The following MYO16 variants were observed in gnomAD, a reference collection of about 807,000 sequenced individuals.
The protein encoded by MYO16 is unconventional myosin-XVI.
A neutral mutation model predicts 205.3 loss-of-function variants in MYO16; 94 were observed. That is an observed-to-expected ratio of 0.46 (90% CI 0.39 to 0.54). MYO16 has a LOEUF of 0.54. Ranked by LOEUF, MYO16 falls within the 20% of genes least tolerant of loss-of-function variation. MYO16 has a pLI of 0.00. For missense variants in MYO16, 2,315 were observed against 2,387.5 expected, an observed-to-expected ratio of 0.97 and a Z score of 0.63; for synonymous variants, 988 against 954.0, an observed-to-expected ratio of 1.04 and a Z score of -0.66.
intron 4 of MYO16, among the ~76,000 whole-genome samples, chr13:108,743,986 C>T (rs1884985492): frequency 6.6e-6 from 1 of 152,176 alleles, no homozygotes; most frequent in African/African-American, 2.4e-5. Flanking sequence ...GCTGCCCTTG[C>T]TATGTCAGGT....
intron 9 of MYO16, among the ~76,000 whole-genome samples, chr13:108,833,162 A>G (rs1876716197): frequency 6.6e-6 from 1 of 152,110 alleles, no homozygotes; most frequent in African/African-American, 2.4e-5. Flanking sequence ...TGTCTCAAAA[A>G]CAATACAAAC....
intron 6 of MYO16, among the ~76,000 whole-genome samples, chr13:108,803,162 A>G (rs549439390): frequency 7.2e-5 from 11 of 152,312 alleles, no homozygotes; most frequent in Non-Finnish European, 1.0e-4. Flanking sequence ...AAAGGGCCCA[A>G]GAGTGTTTTG....
At chr13:108,914,928 C>T (rs551368385) in intron 16 of MYO16, among the ~76,000 whole-genome samples, 120 of 152,332 alleles carry the variant, frequency 7.9e-4, no homozygotes, top group African/African-American at 2.7e-3. Flanking sequence ...CAAGCATGAA[C>T]CACTGCGCCC....
rs148286127 is a variant in MYO16, at chr13:108,818,418, AAGAG to A, written c.868-1913_868-1910del. ...ATAATAATAATAAATAAAAATAAAAAAGAGAGAGATTAATAAAACAAACACAATA... is the reference window on the plus strand; with the variant it reads ...ATAATAATAATAAATAAAAATAAAAAAGAGATTAATAAAACAAACACAATA... On this transcript the variant is annotated intron_variant, in intron 7 of 34. Coordinates refer to ENST00000457511, the MANE Select transcript of MYO16 (RefSeq NM_001198950.3). 4.6e-3 allele frequency among the ~76,000 whole-genome samples: 683 copies of A among 148,252 alleles called. 1 individual carries two copies. The highest frequency in any genetic ancestry group is 0.016 in the African/African-American group (597 of 38,156).
Position 109,141,441 on chromosome 13 carries a change from C to T in MYO16, c.5164+65C>T. On this transcript the variant is annotated intron_variant, in intron 32 of 34. Transcript: ENST00000457511. This position sits in a 1 kb window ranked among gnomAD's most constrained non-coding sequence, Gnocchi z 4.1. ...CGCTGTGCTTGCGTGCACCTGTGTA[C>T]ATCCGTGTCTGCGCAGATGTGAAAT... 9.1e-7 allele frequency: 1 copy of T among 1,095,386 alleles called. No homozygotes were observed. The allele number at this position is 1,095,386 out of a possible 1,614,324, so 67.9% of individuals were successfully genotyped here. A position where few individuals can be genotyped will look rare whatever the true frequency, so the allele number is the denominator to read the frequency against.
At chr13:108,557,511 T>A in the MYO16 span, among the ~76,000 whole-genome samples, 1 of 152,186 alleles carries the variant, frequency 6.6e-6, no homozygotes, top group Non-Finnish European at 1.5e-5. Context: ...AAAACAATAT[T>A]TGTCTTATTG....
At chr13:108,637,594 G>C (rs773423281) in intron 1 of MYO16, among the ~76,000 whole-genome samples, 2 of 152,120 alleles carry the variant, frequency 1.3e-5, no homozygotes, top group Non-Finnish European at 2.9e-5. Flanking sequence ...TATAAAGATG[G>C]CTGGGCACAG....
intron 4 of MYO16, among the ~76,000 whole-genome samples, chr13:108,734,478 C>G (rs532979734): frequency 6.6e-6 from 1 of 152,244 alleles, no homozygotes; most frequent in African/African-American, 2.4e-5. Context: ...TCTAGGAACT[C>G]TTCATGCCAT....
the MYO16 span, among the ~76,000 whole-genome samples, chr13:108,496,901 A>AC: frequency 0.32 from 48,875 of 152,046 alleles, 8,066 homozygotes; most frequent in Non-Finnish European, 0.35. Flanking sequence ...CAGAGGGCTG[A>AC]CCTGCGTCTT....
chr13:109,065,822 A>C (rs1158256031), intron 27 of MYO16, among the ~76,000 whole-genome samples: 5 of 152,210 alleles, frequency 3.3e-5, no homozygotes, highest in African/African-American at 1.2e-4. Context: ...GGTCACATCC[A>C]TCAGTCATTT....
rs139308760 is a variant in MYO16 at position 108,936,381 on chromosome 13, A to G, written c.1926-21307A>G. ...GCTTTTTTTGGTTGGTAGGTTTTTT[A>G]TTATAGATTTAATTTCAGAAGTTGG... On this transcript the variant is annotated intron_variant, in intron 16 of 34. Transcript: ENST00000457511. Among the ~76,000 whole-genome samples, 77 of 152,032 alleles carry G rather than the reference A, an allele frequency of 5.1e-4. 1 individual carries two copies. The East Asian group carries it at 0.014, about 28-fold the overall frequency.
the MYO16 span, among the ~76,000 whole-genome samples, chr13:108,531,013 A>G: frequency 1.3e-5 from 2 of 151,536 alleles, no homozygotes; most frequent in South Asian, 2.1e-4. Context: ...TTTTCACTGC[A>G]TTTAGGTTTA....
intron 23 of MYO16, among the ~76,000 whole-genome samples, chr13:109,042,084 G>GA (rs1287414526): frequency 1.3e-5 from 2 of 151,934 alleles, no homozygotes; most frequent in Non-Finnish European, 2.9e-5. Flanking sequence ...GGCTGATCTC[G>GA]AACTCTTGAC....
At chr13:108,714,581 C>CGT (rs1555341089) in intron 3 of MYO16, among the ~76,000 whole-genome samples, 4 of 130,426 alleles carry the variant, frequency 3.1e-5, no homozygotes, top group East Asian at 4.3e-4. Context: ...CACTTCTTCA[C>CGT]GTGTGTGTGT....
chr13:109,010,527 T>C (rs1481943673), intron 22 of MYO16, among the ~76,000 whole-genome samples: 3 of 152,208 alleles, frequency 2.0e-5, no homozygotes, highest in African/African-American at 7.2e-5. Flanking sequence ...GTCTATCTCC[T>C]TTATACTGAT....
intron 12 of MYO16, among the ~76,000 whole-genome samples, chr13:108,881,327 A>C (rs7990837): frequency 0.014 from 2,152 of 152,294 alleles, 44 homozygotes; most frequent in African/African-American, 0.049. Flanking sequence ...TAAAACCACC[A>C]AGATGGGGAG....
In MYO16 at chr13:109,013,202, T is replaced by G. The variant is rs545313045; in HGVS notation, c.2595+4153T>G. On this transcript the variant is annotated intron_variant, in intron 22 of 34. Coordinates refer to ENST00000457511, the MANE Select transcript of MYO16 (RefSeq NM_001198950.3). ...TCATTGTTGAGTTCCCACCTATGAG[T>G]GAGAACATGCGGTGTTTGGTTTTCT... Among the ~76,000 whole-genome samples, 8 of 147,824 alleles carry G rather than the reference T, an allele frequency of 5.4e-5. No individual in the cohort carries two copies. The East Asian group carries it at 1.4e-3, about 26-fold the overall frequency.
intron 28 of MYO16, among the ~76,000 whole-genome samples, chr13:109,110,163 G>A (rs1379303367): frequency 1.3e-5 from 2 of 152,222 alleles, no homozygotes; most frequent in Non-Finnish European, 2.9e-5. Flanking sequence ...AAGATCAAAT[G>A]TGTGCTCTGA....
chr13:108,714,986 T>C (rs1454935813), intron 3 of MYO16, among the ~76,000 whole-genome samples: 1 of 152,168 alleles, frequency 6.6e-6, no homozygotes, highest in Non-Finnish European at 1.5e-5. Flanking sequence ...CACTATACTG[T>C]TTCCCATTCA....
Sources: gnomAD v4.1 joint callset for allele counts (sites outside exome capture counted in the v4.1 genomes callset) on GRCh38, gnomAD v4.1.1 for gene constraint, Gnocchi (gnomAD v3.1) non-coding constraint, MANE v1.5 for transcripts, NCBI Gene and HGNC (gene_info 2026-07-23, HGNC 2026-07-21) for gene names.